Variants in RSRC1 observed in about 807,000 individuals in gnomAD.
RSRC1 encodes arginine and serine rich coiled-coil 1.
In RSRC1, 39 loss-of-function variants were observed where a neutral mutation model predicts 49.1. The ratio of observed to expected loss-of-function variants is 0.79; its 90% CI spans 0.61 to 1.04. The LOEUF is 1.04. Ranked by LOEUF, RSRC1 falls within the 50% of genes least tolerant of loss-of-function variation. The pLI, the probability that RSRC1 is intolerant of heterozygous loss-of-function variation, is 0.00. For synonymous variants in RSRC1, 143 were observed against 130.8 expected (o/e 1.09, Z -0.63); for missense variants, 388 against 402.4 (o/e 0.96, Z 0.31).
chr3:158,472,280 TAA>T (rs1397761501), intron 7 of RSRC1, among the ~76,000 whole-genome samples: 5 of 152,164 alleles, frequency 3.3e-5, no homozygotes, highest in African/African-American at 1.2e-4. Context: ...CTTCTGTCTG[TAA>T]AATAACTTGA....
At chr3:158,369,128 G>C (rs993406105) in intron 6 of RSRC1, among the ~76,000 whole-genome samples, 2 of 151,808 alleles carry the variant, frequency 1.3e-5, no homozygotes, top group Non-Finnish European at 2.9e-5. Flanking sequence ...TCTACTATGT[G>C]GTAAGTAATT....
At chr3:158,510,080 C>T (rs767090718) in intron 7 of RSRC1, among the ~76,000 whole-genome samples, 39 of 152,186 alleles carry the variant, frequency 2.6e-4, no homozygotes, top group Admixed American at 7.9e-4. Flanking sequence ...TGCCCCACAT[C>T]CTTGCCATGC....
rs560298099 is a variant in RSRC1, at chr3:158,327,123, C to T, written c.532-27734C>T. On this transcript the variant is annotated intron_variant, in intron 5 of 9. Coordinates refer to ENST00000611884, the MANE Select transcript of RSRC1 (RefSeq NM_001271838.2). The stretch of plus-strand genomic sequence containing the variant: ...TTTTTATTGCCTCTATTTGATTCTT[C>T]TCTCTTCTTTATTAGTCTTGCTAGC... Among the ~76,000 whole-genome samples the T allele has an allele frequency of 2.6e-5, 4 of 152,130 alleles. 1 individual carries two copies. In the South Asian group the frequency reaches 8.3e-4, roughly 32 times the overall value.
At chr3:158,323,315 T>C (rs924690438) in intron 5 of RSRC1, among the ~76,000 whole-genome samples, 1 of 152,144 alleles carries the variant, frequency 6.6e-6, no homozygotes, top group Non-Finnish European at 1.5e-5. Flanking sequence ...TGTGTCTGTG[T>C]AGTTTAATGG....
At chr3:158,284,870 T>C (rs1335273061) in intron 4 of RSRC1, among the ~76,000 whole-genome samples, 62 of 148,242 alleles carry the variant, frequency 4.2e-4, no homozygotes, top group Admixed American at 4.7e-4. Flanking sequence ...GGTAGTTTCT[T>C]TTGCTGTGCA....
chr3:158,430,861 A>G (rs1158021371), intron 6 of RSRC1, among the ~76,000 whole-genome samples: 1 of 151,970 alleles, frequency 6.6e-6, no homozygotes, highest in Non-Finnish European at 1.5e-5. Context: ...TGGACTGAAG[A>G]GGAATTGTTA....
At chr3:158,473,744 C>G (rs567952027) in intron 7 of RSRC1, among the ~76,000 whole-genome samples, 7 of 151,824 alleles carry the variant, frequency 4.6e-5, no homozygotes, top group Non-Finnish European at 8.8e-5. Context: ...TCACATGCCA[C>G]TGGAGTTGTT....
intron 3 of RSRC1, among the ~76,000 whole-genome samples, chr3:158,165,122 A>G (rs950831522): frequency 6.6e-6 from 1 of 152,206 alleles, no homozygotes; most frequent in African/African-American, 2.4e-5. Context: ...TGCTCTGAGC[A>G]TGGCTTTGAG....
intron 7 of RSRC1, among the ~76,000 whole-genome samples, chr3:158,490,376 G>A (rs1183467300): frequency 2.6e-5 from 4 of 152,286 alleles, no homozygotes; most frequent in Non-Finnish European, 4.4e-5. Flanking sequence ...GAGCCACCAC[G>A]CCGGGCCCCT....
chr3:158,369,380 A>G (rs971020298), intron 6 of RSRC1, among the ~76,000 whole-genome samples: 1 of 152,090 alleles, frequency 6.6e-6, no homozygotes, highest in Non-Finnish European at 1.5e-5. Context: ...GGGGAAAATG[A>G]TGAATACTTT....
Position 158,207,923 on chromosome 3 carries a change from T to C in RSRC1, c.494+4678T>C, listed in dbSNP as rs1353588693. Among the ~76,000 whole-genome samples the C allele has an allele frequency of 2.6e-5, 4 of 152,162 alleles. No individual in the cohort carries two copies. In the South Asian group the frequency reaches 6.2e-4, roughly 24 times the overall value. On this transcript the variant is annotated intron_variant, in intron 4 of 9. Transcript: ENST00000611884. ...TTTAAATAACAGCTAATTATAGTTC[T>C]GGAAATACCTAGAACATTAAAATTG...
At chr3:158,412,968 T>C (rs992853963) in intron 6 of RSRC1, among the ~76,000 whole-genome samples, 22 of 152,166 alleles carry the variant, frequency 1.4e-4, no homozygotes, top group Non-Finnish European at 3.2e-4. Flanking sequence ...ATTGACATTC[T>C]TCACAGAATT....
chr3:158,122,045 C>T (rs1715292565), intron 1 of RSRC1, 58 bp from the exon 2 acceptor site: 1 of 924,948 alleles, frequency 1.1e-6, no homozygotes, highest in South Asian at 2.8e-5. Flanking sequence ...TAATATATTG[C>T]ATTTCATCCA....
chr3:158,111,048 G>C (rs554832788), intron 1 of RSRC1, among the ~76,000 whole-genome samples: 43 of 152,296 alleles, frequency 2.8e-4, no homozygotes, highest in African/African-American at 1.0e-3. Flanking sequence ...CTAGGTAGTA[G>C]ATAAATAAAT....
chr3:158,508,312 T>C (rs1739965614), intron 7 of RSRC1, among the ~76,000 whole-genome samples: 1 of 152,112 alleles, frequency 6.6e-6, no homozygotes, highest in Non-Finnish European at 1.5e-5. Context: ...TTTCTCTTTT[T>C]TTCTTCTTAT....
intron 7 of RSRC1, among the ~76,000 whole-genome samples, chr3:158,462,893 C>T (rs1360432091): frequency 6.6e-6 from 1 of 151,916 alleles, no homozygotes; most frequent in African/African-American, 2.4e-5. Flanking sequence ...AAGCATATTC[C>T]TCCAATCATA....
intron 4 of RSRC1, among the ~76,000 whole-genome samples, chr3:158,221,789 A>G (rs945246713): frequency 6.6e-5 from 10 of 151,550 alleles, no homozygotes; most frequent in African/African-American, 2.2e-4. Context: ...CATCAAAAAT[A>G]TAGATTCTGA....
chr3:158,188,013 T>C (rs1720026236), intron 3 of RSRC1, among the ~76,000 whole-genome samples: 1 of 151,954 alleles, frequency 6.6e-6, no homozygotes, highest in African/African-American at 2.4e-5. Context: ...CATGCAGCCG[T>C]GAGATAACCT....
At chr3:158,494,040 C>T (rs1739202923) in intron 7 of RSRC1, among the ~76,000 whole-genome samples, 1 of 152,038 alleles carries the variant, frequency 6.6e-6, no homozygotes, top group African/African-American at 2.4e-5. Flanking sequence ...AAGACTAAAG[C>T]AATGAAATTA....
Sources: gnomAD v4.1 joint callset for allele counts (sites outside exome capture counted in the v4.1 genomes callset) on GRCh38, gnomAD v4.1.1 for gene constraint, MANE v1.5 for transcripts, NCBI Gene and HGNC (gene_info 2026-07-23, HGNC 2026-07-21) for gene names.